Variants in DLG2 observed in about 807,000 individuals in gnomAD.
DLG2 encodes the protein disks large homolog 2.
DLG2 carries 45 observed loss-of-function variants against 132.5 expected under a neutral mutation model. That is an observed-to-expected ratio of 0.34 (90% confidence interval 0.27 to 0.44). DLG2 has a LOEUF of 0.44. Ranked by LOEUF, DLG2 falls within the 20% of genes least tolerant of loss-of-function variation. The probability of loss-of-function intolerance (pLI) is 1.00; values close to 1 mark genes in which losing one functional copy is unlikely to be tolerated. For missense variants in DLG2, 1,045 were observed against 1,196.9 expected (o/e 0.87, Z 1.87); for synonymous variants, 424 against 419.6 (o/e 1.01, Z -0.13).
At chr11:84,667,096 G>A (rs190783855) in intron 6 of DLG2, among the ~76,000 whole-genome samples, 2 of 152,170 alleles carry the variant, frequency 1.3e-5, no homozygotes, top group East Asian at 1.9e-4. Flanking sequence ...GTGAGTGTTA[G>A]TTATTATTAT....
At chr11:85,492,544 A>T (rs979135993) in intron 3 of DLG2, among the ~76,000 whole-genome samples, 4 of 152,160 alleles carry the variant, frequency 2.6e-5, no homozygotes, top group Non-Finnish European at 5.9e-5. Flanking sequence ...TATTCCATTT[A>T]TATTTAACAT....
intron 7 of DLG2, among the ~76,000 whole-genome samples, chr11:84,295,945 A>G (rs1435658709): frequency 3.3e-5 from 5 of 152,224 alleles, no homozygotes; most frequent in African/African-American, 1.2e-4. Flanking sequence ...AATTTTAGTG[A>G]TGTGATAATG....
Position 84,502,166 on chromosome 11 carries a change from C to CTCTCTCTCTT in DLG2, c.519+32394_519+32403dup, listed in dbSNP as rs1378309540. 4.0e-5 allele frequency among the ~76,000 whole-genome samples: 2 copies of CTCTCTCTCTT among 50,446 alleles called. 1 individual carries two copies. The allele number at this position is 50,446 out of a possible 152,430, so 33.1% of individuals were successfully genotyped here. A position where few individuals can be genotyped will look rare whatever the true frequency, so the allele number is the denominator to read the frequency against. On this transcript the variant is annotated intron_variant, in intron 7 of 27. Transcript: ENST00000376104. ...CTTTCCTTCCTTCCTTCCTTTCTCT[C>CTCTCTCTCTT]TCTCTCTCTTTCTCTCTCTTTCTCT... is the stretch of plus-strand genomic sequence containing the variant.
chr11:84,447,414 C>T (rs543621345), intron 7 of DLG2, among the ~76,000 whole-genome samples: 5 of 152,088 alleles, frequency 3.3e-5, no homozygotes, highest in East Asian at 3.9e-4. Context: ...GAAAAGAAGC[C>T]GAAAAGAATG....
At chr11:83,927,686 G>T (rs1408173437) in intron 15 of DLG2, among the ~76,000 whole-genome samples, 3 of 152,130 alleles carry the variant, frequency 2.0e-5, no homozygotes, top group African/African-American at 7.2e-5. Flanking sequence ...AAGGAGATCT[G>T]ATCTGTATTT....
chr11:85,050,300 C>T (rs1288585088), intron 6 of DLG2, among the ~76,000 whole-genome samples: 2 of 151,988 alleles, frequency 1.3e-5, no homozygotes, highest in African/African-American at 4.8e-5. Context: ...CTAATTACCT[C>T]GGCTAGACCA....
intron 19 of DLG2, among the ~76,000 whole-genome samples, chr11:83,548,859 C>T (rs116832773): frequency 0.017 from 2,606 of 152,228 alleles, 86 homozygotes; most frequent in African/African-American, 0.06. Context: ...CTCTGGGAAG[C>T]CTACAGCTTC....
intron 9 of DLG2, among the ~76,000 whole-genome samples, chr11:84,133,685 T>C (rs2094502156): frequency 6.6e-6 from 1 of 152,010 alleles, no homozygotes; most frequent in African/African-American, 2.4e-5. Flanking sequence ...TTTGCTATGT[T>C]GCCCAGGCTA....
At chr11:85,474,284 T>C (rs1289971110) in intron 3 of DLG2, among the ~76,000 whole-genome samples, 2 of 152,006 alleles carry the variant, frequency 1.3e-5, no homozygotes, top group Non-Finnish European at 2.9e-5. Context: ...CTTCACAACA[T>C]AGCCTCTCAA....
At chr11:83,789,762 G>A (rs1179838048) in intron 17 of DLG2, among the ~76,000 whole-genome samples, 1 of 152,094 alleles carries the variant, frequency 6.6e-6, no homozygotes, top group Non-Finnish European at 1.5e-5. Context: ...TGGCCAGGAT[G>A]GTCTCAATCT....
intron 6 of DLG2, among the ~76,000 whole-genome samples, chr11:85,072,579 A>T (rs1270580201): frequency 6.6e-6 from 1 of 151,842 alleles, no homozygotes; most frequent in Non-Finnish European, 1.5e-5. Flanking sequence ...ACATTTCGTC[A>T]TTTAATTATC....
At chr11:85,475,292 C>T (rs891811643) in intron 3 of DLG2, among the ~76,000 whole-genome samples, 2 of 151,726 alleles carry the variant, frequency 1.3e-5, no homozygotes, top group African/African-American at 2.4e-5. Flanking sequence ...TTGACCAATT[C>T]TACCAAAACT....
chr11:84,807,208 G>C (rs1476805728), intron 6 of DLG2, among the ~76,000 whole-genome samples: 1 of 152,186 alleles, frequency 6.6e-6, no homozygotes, highest in African/African-American at 2.4e-5. Context: ...CACTTTGGGA[G>C]ACCAAGGCAG....
intron 7 of DLG2, among the ~76,000 whole-genome samples, chr11:84,422,639 T>C (rs1166440371): frequency 6.6e-6 from 1 of 152,238 alleles, no homozygotes; most frequent in East Asian, 1.9e-4. Flanking sequence ...GCAGTTATCA[T>C]AGTTGAAGTT....
At position 83,874,278 on chromosome 11, in the gene DLG2, G is replaced by GAA. The variant is rs2064164213; in HGVS notation, c.1565+141_1565+142insTT. The GAA allele has an allele frequency of 2.8e-4, 27 of 94,992 alleles. No homozygotes were observed. In the African/African-American group the frequency reaches 3.5e-3, roughly 12 times the overall value. The allele number at this position is 94,992 out of a possible 1,614,324, so 5.9% of individuals were successfully genotyped here. On this transcript the variant is annotated intron_variant, in intron 16 of 27. Coordinates refer to ENST00000376104, the MANE Select transcript of DLG2 (RefSeq NM_001142699.3). ...AAGGAAGGAAAGAAGGAAGGAAGGGGAGAAGGAAGGAAGGGAGGAAGGAAG... is the reference window on the plus strand; with the variant it reads ...AAGGAAGGAAAGAAGGAAGGAAGGGGAAAGAAGGAAGGAAGGGAGGAAGGAAG...
chr11:84,657,970 T>A (rs1339013857), intron 6 of DLG2, among the ~76,000 whole-genome samples: 1 of 152,186 alleles, frequency 6.6e-6, no homozygotes, highest in Non-Finnish European at 1.5e-5. Context: ...ATAATAAAGA[T>A]GACATTTCTC....
chr11:84,554,513 G>A (rs984360846), intron 6 of DLG2, among the ~76,000 whole-genome samples: 4 of 152,220 alleles, frequency 2.6e-5, no homozygotes, highest in East Asian at 1.9e-4. Context: ...TTGGGAGGCC[G>A]AGGTGGGCAG....
intron 6 of DLG2, among the ~76,000 whole-genome samples, chr11:85,021,993 C>T (rs2060116124): frequency 6.6e-6 from 1 of 152,044 alleles, no homozygotes; most frequent in African/African-American, 2.4e-5. Flanking sequence ...CTAAAACTAG[C>T]TTTAAACTAA....
chr11:84,295,208 C>G (rs1174892296), intron 7 of DLG2, among the ~76,000 whole-genome samples: 1 of 152,086 alleles, frequency 6.6e-6, no homozygotes, highest in Non-Finnish European at 1.5e-5. Context: ...AGTTACTTTG[C>G]TTCTAAAAGT....
Sources: allele counts gnomAD v4.1 joint callset (sites outside exome capture counted in the v4.1 genomes callset), GRCh38; gene constraint gnomAD v4.1.1; transcripts MANE v1.5; gene names NCBI Gene and HGNC (gene_info 2026-07-23, HGNC 2026-07-21).